Variants in RAI14 observed in about 807,000 individuals in gnomAD.
RAI14 encodes ankycorbin.
RAI14 carries 45 observed loss-of-function variants against 115.4 expected under a neutral mutation model. The observed-to-expected ratio is 0.39, with a 90% CI of 0.31 to 0.50. The LOEUF is 0.50. Among genes scored for constraint, RAI14 ranks in the 20% least tolerant of loss-of-function variants. The probability of loss-of-function intolerance (pLI) is 0.85; values close to 1 mark genes in which losing one functional copy is unlikely to be tolerated. For synonymous variants in RAI14, 371 were observed against 415.4 expected (o/e 0.89, Z 1.30); for missense variants, 939 against 1,131.2 (o/e 0.83, Z 2.44).
chr5:34,749,814 C>A (rs1352724780), intron 2 of RAI14, among the ~76,000 whole-genome samples: 1 of 152,168 alleles, frequency 6.6e-6, no homozygotes, highest in East Asian at 1.9e-4. Flanking sequence ...GCAAGTATGG[C>A]TTAATGTTCT....
At chr5:34,811,223 T>A in intron 8 of RAI14, 105 bp downstream of exon 8, 2 of 1,282,762 alleles carry the variant, frequency 1.6e-6, no homozygotes, top group Non-Finnish European at 2.2e-6. Flanking sequence ...TATAAGGGAT[T>A]TTTAACTTCT....
At chr5:34,755,614 T>C (rs914311317) in intron 2 of RAI14, among the ~76,000 whole-genome samples, 2 of 152,208 alleles carry the variant, frequency 1.3e-5, no homozygotes, top group Non-Finnish European at 2.9e-5. Flanking sequence ...GGTCTCTACC[T>C]ACTCAATGCC....
rs144317506 is a variant in RAI14 at position 34,666,638 on chromosome 5, C to T, written c.-49+10163C>T. On this transcript the variant is annotated intron_variant, in intron 1 of 17. Transcript: ENST00000265109. ...TAATATCAGCATTCACCTTGGGTGA[C>T]GTCCTCAAGCCATTTCAGTCAAAAA... Among the ~76,000 whole-genome samples the T allele has an allele frequency of 2.1e-4, 32 of 152,288 alleles. No individual in the cohort carries two copies. The East Asian group carries it at 4.3e-3, about 20-fold the overall frequency.
In RAI14 at chr5:34,824,244, G is replaced by A. The variant is rs1278451287; in HGVS notation, c.2402G>A (p.Ser801Asn). The change falls in exon 15 of 18, where the codon AGT becomes AAT. Residue 801 changes from serine to asparagine, a missense_variant. Transcript: ENST00000265109. ...CAGTCATCCTTAGAGAGTGAAGTGA[G>A]TGTGTTGGCATCGAAATTAAAGGAA... ...KLQSSLESEV[S>N]VLASKLKESV... 2 of 1,614,180 alleles carry A rather than the reference G, an allele frequency of 1.2e-6. No homozygotes were observed. Among genetic ancestry groups the A allele is most frequent in the South Asian group, 2.2e-5 (2 of 91,088 alleles).
chr5:34,686,696 G>A (rs1744921224), intron 1 of RAI14, among the ~76,000 whole-genome samples, 176 bp from the exon 2 acceptor site: 1 of 152,154 alleles, frequency 6.6e-6, no homozygotes, highest in Non-Finnish European at 1.5e-5. Context: ...AATGTCAGAA[G>A]CTTCTAGGAA....
chr5:34,825,817 G>A (rs1019472857), intron 15 of RAI14, among the ~76,000 whole-genome samples: 9 of 152,090 alleles, frequency 5.9e-5, no homozygotes, highest in Non-Finnish European at 1.2e-4. Context: ...TGTTTCAAAA[G>A]AGCTTTATCA....
chr5:34,737,144 C>A (rs886365717), intron 2 of RAI14, among the ~76,000 whole-genome samples: 7 of 152,136 alleles, frequency 4.6e-5, no homozygotes, highest in Admixed American at 4.6e-4. Context: ...GGCCCCTGGT[C>A]TATGGAAAAA....
intron 12 of RAI14, among the ~76,000 whole-genome samples, chr5:34,816,713 C>T (rs1015702067): frequency 2.6e-5 from 4 of 151,926 alleles, no homozygotes; most frequent in African/African-American, 9.7e-5. Context: ...TTCTATCAAC[C>T]TATCATTTCC....
At chr5:34,777,389 G>A (rs1750998289) in intron 3 of RAI14, among the ~76,000 whole-genome samples, 1 of 152,064 alleles carries the variant, frequency 6.6e-6, no homozygotes, top group East Asian at 1.9e-4. Context: ...TGGAACTGTG[G>A]GTTATTATGT....
In RAI14 at chr5:34,829,747, C is replaced by T. The variant is rs774289181; in HGVS notation, c.2815C>T (p.His939Tyr). The part of the protein sequence containing the change: ...QNQLAECKKQ[H>Y]QEVISVYRMH... Reference sequence around the variant, plus strand: ...CCCTTTCTAGGAATGCAAGAAACAACACCAGGAGGTCATATCAGTTTACAG... The same window carrying T: ...CCCTTTCTAGGAATGCAAGAAACAATACCAGGAGGTCATATCAGTTTACAG... Residue 939 changes from histidine (H) to tyrosine (Y), a missense_variant, in exon 17 of 18, where the codon CAC becomes TAC. Coordinates refer to ENST00000265109, the MANE Select transcript of RAI14 (RefSeq NM_015577.3). 4 of 1,611,526 alleles carry T rather than the reference C, an allele frequency of 2.5e-6. No homozygotes were observed. Among genetic ancestry groups the T allele is most frequent in the Non-Finnish European group, 3.4e-6 (4 of 1,178,286 alleles).
chr5:34,743,495 G>T (rs1432430690), intron 2 of RAI14, among the ~76,000 whole-genome samples: 2 of 152,176 alleles, frequency 1.3e-5, no homozygotes, highest in Non-Finnish European at 2.9e-5. Flanking sequence ...AGTTACATCT[G>T]TAAAGACCCT....
At position 34,814,548 on chromosome 5, in the gene RAI14, C is replaced by A. The variant is rs749797163; in HGVS notation, c.853-35C>A. 4 of 1,507,302 alleles carry A rather than the reference C, an allele frequency of 2.7e-6. No homozygotes were observed. In the Admixed American group the frequency reaches 6.7e-5, roughly 25 times the overall value. 93.4% of individuals were successfully genotyped at this position (1,507,302 alleles called of 1,614,324 possible). On this transcript the variant is annotated intron_variant, in intron 11 of 17. Transcript: ENST00000265109. The stretch of plus-strand genomic sequence containing the variant: ...GAGAAGAGGAGTTTGAAGATACATT[C>A]TTTATTAATGATTTTCATTTTGTTT...
chr5:34,709,883 C>G (rs998629048), intron 2 of RAI14, among the ~76,000 whole-genome samples: 1 of 152,170 alleles, frequency 6.6e-6, no homozygotes, highest in African/African-American at 2.4e-5. Context: ...ACTCCTCATT[C>G]CCCCAGAGAT....
chr5:34,811,282 C>A lies in RAI14; in HGVS notation c.557+164C>A, dbSNP rs543267771. Among the ~76,000 whole-genome samples the A allele has an allele frequency of 3.3e-5, 5 of 152,282 alleles. No homozygotes were observed. In the South Asian group the frequency reaches 1.0e-3, roughly 32 times the overall value. ...TCTGATAATCAAGAATCTATGTTGA[C>A]TTTAAAGCAATTTTCCCCAGACATC... On this transcript the variant is annotated intron_variant, in intron 8 of 17. Transcript: ENST00000265109.
chr5:34,665,481 C>G (rs1743132816), intron 1 of RAI14, among the ~76,000 whole-genome samples: 1 of 149,632 alleles, frequency 6.7e-6, no homozygotes, highest in Admixed American at 6.7e-5. Flanking sequence ...AAAGTGTTTT[C>G]CATTTTTTTT....
intron 2 of RAI14, chr5:34,688,088 A>G: frequency 2.1e-6 from 3 of 1,454,902 alleles, no homozygotes; most frequent in Non-Finnish European, 2.7e-6. Flanking sequence ...TAAAACTCAT[A>G]GAGTGCAAAG....
At chr5:34,786,749 G>A (rs566973327) in intron 3 of RAI14, among the ~76,000 whole-genome samples, 10 of 152,088 alleles carry the variant, frequency 6.6e-5, no homozygotes, top group African/African-American at 2.4e-4. Flanking sequence ...ACCACTTGCC[G>A]AGACCAGCTC....
At chr5:34,803,835 A>G in intron 5 of RAI14, 59 bp downstream of exon 5, 1 of 1,476,810 alleles carries the variant, frequency 6.8e-7, no homozygotes, top group South Asian at 1.2e-5. Context: ...GAAAGTAATC[A>G]TATTTGTGAA....
intron 1 of RAI14, among the ~76,000 whole-genome samples, chr5:34,658,146 A>ATGG (rs1742425343): frequency 6.6e-6 from 1 of 151,800 alleles, no homozygotes; most frequent in Non-Finnish European, 1.5e-5. Flanking sequence ...CTTTTTGGAG[A>ATGG]TGGTGGTGGT....
Sources: allele counts gnomAD v4.1 joint callset (sites outside exome capture counted in the v4.1 genomes callset), GRCh38; gene constraint gnomAD v4.1.1; transcripts MANE v1.5; gene names NCBI Gene and HGNC (gene_info 2026-07-23, HGNC 2026-07-21).